WWOX: variants seen among roughly 807,000 people sequenced by gnomAD.
WWOX encodes the protein WW domain-containing oxidoreductase.
Under a neutral mutation model 46.2 loss-of-function variants are expected in WWOX, and 69 were observed. That is an observed-to-expected ratio of 1.49 (90% CI 1.23 to 1.82). WWOX has a LOEUF of 1.82. Among genes scored for constraint, WWOX ranks in the 40% most tolerant of loss-of-function variants. The probability of loss-of-function intolerance (pLI) is 0.00; values close to 1 mark genes in which losing one functional copy is unlikely to be tolerated. For missense variants in WWOX, 919 were observed against 542.6 expected (o/e 1.69, Z -6.89); for synonymous variants, 359 against 202.6 (o/e 1.77, Z -6.56).
intron 8 of WWOX, among the ~76,000 whole-genome samples, chr16:79,166,529 T>G (rs998221089): frequency 3.3e-5 from 5 of 152,186 alleles, no homozygotes; most frequent in African/African-American, 9.7e-5. Flanking sequence ...AGTCCGCATT[T>G]TCAACATTTC....
At chr16:79,035,880 C>G (rs1231433801) in intron 8 of WWOX, among the ~76,000 whole-genome samples, 1 of 152,238 alleles carries the variant, frequency 6.6e-6, no homozygotes, top group Non-Finnish European at 1.5e-5. Flanking sequence ...CAGGCGTGAG[C>G]CACTACACCC....
chr16:79,162,621 A>G (rs1483589611), intron 8 of WWOX, among the ~76,000 whole-genome samples: 2 of 152,106 alleles, frequency 1.3e-5, no homozygotes, highest in South Asian at 2.1e-4. Context: ...GGGAGATGCA[A>G]ACAGTTTGCC....
chr16:78,526,738 G>T (rs867753472), intron 8 of WWOX, among the ~76,000 whole-genome samples: 1 of 152,170 alleles, frequency 6.6e-6, no homozygotes, highest in Admixed American at 6.5e-5. Flanking sequence ...TCCATGCCCA[G>T]GCCCCTACTA....
At chr16:78,760,259 A>G (rs1209116271) in intron 8 of WWOX, among the ~76,000 whole-genome samples, 3 of 152,176 alleles carry the variant, frequency 2.0e-5, no homozygotes, top group African/African-American at 7.2e-5. Context: ...TACCATGAGA[A>G]CAATATGGGA....
chr16:78,746,631 T>A (rs1226990173), intron 8 of WWOX, among the ~76,000 whole-genome samples: 2 of 151,984 alleles, frequency 1.3e-5, no homozygotes, highest in Non-Finnish European at 2.9e-5. Context: ...GTCAACATGA[T>A]GTGAGCAGAG....
At chr16:79,023,278 C>T (rs1371075416) in intron 8 of WWOX, among the ~76,000 whole-genome samples, 1 of 152,190 alleles carries the variant, frequency 6.6e-6, no homozygotes, top group Non-Finnish European at 1.5e-5. Context: ...TGCATTTATG[C>T]ATTGCATGTC....
chr16:79,152,403 G>A (rs891901636), intron 8 of WWOX, among the ~76,000 whole-genome samples: 1 of 152,146 alleles, frequency 6.6e-6, no homozygotes, highest in Non-Finnish European at 1.5e-5. Flanking sequence ...CGGGCGCAGT[G>A]TCTCATGCCT....
chr16:78,321,357 TGC>T lies in WWOX; in HGVS notation c.517-65501_517-65500del, dbSNP rs1472337384. ...ATATGCGTATATATATACGTATATATGCGTATATATATACGTATATATGCGTA... is the reference window on the plus strand; with the variant it reads ...ATATGCGTATATATATACGTATATATGTATATATATACGTATATATGCGTA... On this transcript the variant is annotated intron_variant, in intron 5 of 8. Coordinates refer to ENST00000566780, the MANE Select transcript of WWOX (RefSeq NM_016373.4). Among the ~76,000 whole-genome samples the T allele has an allele frequency of 4.8e-3, 249 of 52,284 alleles. 9 individuals are homozygous for T. The highest frequency in any genetic ancestry group is 0.045 in the Middle Eastern group (4 of 88). 34.3% of individuals were successfully genotyped at this position (52,284 alleles called of 152,430 possible). A position where few individuals can be genotyped will look rare whatever the true frequency, so the allele number is the denominator to read the frequency against.
intron 5 of WWOX, among the ~76,000 whole-genome samples, chr16:78,212,968 C>G (rs1439528350): frequency 1.3e-5 from 2 of 152,060 alleles, no homozygotes; most frequent in African/African-American, 4.8e-5. Context: ...TAAAGTCATT[C>G]ATGGATCTGG....
In WWOX at chr16:78,144,452, TATATATATATACACAC is replaced by T. The variant is rs1567596297; in HGVS notation, c.410-19719_410-19704del. Among the ~76,000 whole-genome samples, 157 of 33,404 alleles carry T rather than the reference TATATATATATACACAC, an allele frequency of 4.7e-3. 31 individuals carry two copies. The highest frequency in any genetic ancestry group is 0.023 in the East Asian group (14 of 604). The allele number at this position is 33,404 out of a possible 152,430, so 21.9% of individuals were successfully genotyped here. A position where few individuals can be genotyped will look rare whatever the true frequency, so the allele number is the denominator to read the frequency against. On this transcript the variant is annotated intron_variant, in intron 4 of 8. Transcript: ENST00000566780. ...TACTATATATATATATATATACACA[TATATATATATACACAC>T]ATATATATATATATATATACACACA...
At chr16:79,035,154 G>A (rs749849583) in intron 8 of WWOX, among the ~76,000 whole-genome samples, 1 of 152,164 alleles carries the variant, frequency 6.6e-6, no homozygotes, top group African/African-American at 2.4e-5. Flanking sequence ...TTGACCGTCA[G>A]TATTTTCATT....
At chr16:78,840,042 C>T (rs1306532343) in intron 8 of WWOX, among the ~76,000 whole-genome samples, 1 of 152,170 alleles carries the variant, frequency 6.6e-6, no homozygotes, top group Non-Finnish European at 1.5e-5. Flanking sequence ...TAACAAATTA[C>T]TGGGTGTTTG....
At chr16:78,902,536 C>T (rs184329779) in intron 8 of WWOX, among the ~76,000 whole-genome samples, 5 of 152,218 alleles carry the variant, frequency 3.3e-5, no homozygotes, top group Admixed American at 6.5e-5. Context: ...GGCCTTCCCC[C>T]GTGACTGCTG....
chr16:78,353,132 A>C (rs1007788546), intron 5 of WWOX, among the ~76,000 whole-genome samples: 9 of 152,194 alleles, frequency 5.9e-5, no homozygotes, highest in Admixed American at 4.6e-4. Context: ...TGGTCCAGCC[A>C]GCCAGCTAAC....
chr16:78,099,903 G>T lies in WWOX; in HGVS notation c.107+18G>T. On this transcript the variant is annotated intron_variant, in intron 1 of 8. Transcript: ENST00000566780. The stretch of plus-strand genomic sequence containing the variant: ...TACGCCAAGTAAGGGGGCCGCAGTG[G>T]GGCCGCGGACGCACCTGGGACCCTG... The T allele has an allele frequency of 6.4e-7, 1 of 1,553,102 alleles. No individual in the cohort carries two copies.
chr16:78,743,941 T>G (rs188901273), intron 8 of WWOX, among the ~76,000 whole-genome samples: 2 of 152,334 alleles, frequency 1.3e-5, no homozygotes, highest in Admixed American at 6.5e-5. Context: ...TCCCACCGTT[T>G]GGAGTGTACT....
intron 8 of WWOX, among the ~76,000 whole-genome samples, chr16:79,171,742 G>A (rs763235285): frequency 3.3e-5 from 5 of 151,928 alleles, no homozygotes; most frequent in East Asian, 1.9e-4. Context: ...AAAGCACTTC[G>A]CTATGGAAAC....
At chr16:78,982,644 A>T (rs1274611377) in intron 8 of WWOX, among the ~76,000 whole-genome samples, 1 of 152,210 alleles carries the variant, frequency 6.6e-6, no homozygotes, top group African/African-American at 2.4e-5. Flanking sequence ...GGGAAGGACT[A>T]ATATTTCTGG....
At chr16:78,961,866 A>T (rs1377839335) in intron 8 of WWOX, among the ~76,000 whole-genome samples, 1 of 152,158 alleles carries the variant, frequency 6.6e-6, no homozygotes, top group Non-Finnish European at 1.5e-5. Context: ...TTTTGCAGAA[A>T]TCATTCTGTG....
Sources: gnomAD v4.1 joint callset for allele counts (sites outside exome capture counted in the v4.1 genomes callset) on GRCh38, gnomAD v4.1.1 for gene constraint, MANE v1.5 for transcripts, NCBI Gene and HGNC (gene_info 2026-07-23, HGNC 2026-07-21) for gene names.